Variants in ATXN8OS observed in about 807,000 individuals in gnomAD.
The protein encoded by ATXN8OS is ATXN8 opposite strand (non-protein coding).
At chr13:70,150,635 A>G (rs1343758439) in intron 4 of ATXN8OS, among the ~76,000 whole-genome samples, 2 of 152,070 alleles carry the variant, frequency 1.3e-5, no homozygotes, top group Non-Finnish European at 2.9e-5. Context: ...AATTTGATGT[A>G]AATACTCTAG....
chr13:70,148,567 G>A (rs1025238977), intron 4 of ATXN8OS, among the ~76,000 whole-genome samples: 5 of 151,996 alleles, frequency 3.3e-5, no homozygotes, highest in Admixed American at 6.6e-5. Context: ...TAAGATGGAA[G>A]GGGGTATAAT....
chr13:70,139,368 A>ACTGCTGCTGCTGCTGCTG (rs1566606455), intron 3 of ATXN8OS: 1 of 630,880 alleles, frequency 1.6e-6, no homozygotes, highest in Non-Finnish European at 2.6e-6. Flanking sequence ...TACTACTACT[A>ACTGCTGCTGCTGCTGCTG]CTACTACTAC....
intron 4 of ATXN8OS, among the ~76,000 whole-genome samples, chr13:70,151,534 CAA>C (rs1481852643): frequency 1.3e-5 from 2 of 151,668 alleles, no homozygotes; most frequent in Non-Finnish European, 2.9e-5. Flanking sequence ...ACAGCTTGAA[CAA>C]AAAGATAGGA....
At chr13:70,125,118 T>C (rs1888412445) in intron 2 of ATXN8OS, among the ~76,000 whole-genome samples, 1 of 152,124 alleles carries the variant, frequency 6.6e-6, no homozygotes, top group East Asian at 1.9e-4. Flanking sequence ...ATTTTTAGGG[T>C]ATACCTATCA....
chr13:70,153,079 G>A (rs950515835), intron 4 of ATXN8OS, among the ~76,000 whole-genome samples: 4 of 150,064 alleles, frequency 2.7e-5, no homozygotes, highest in Non-Finnish European at 5.9e-5. Flanking sequence ...GCATACGAAT[G>A]CATAACAGAG....
At chr13:70,140,547 C>T (rs1168719460) in intron 3 of ATXN8OS, among the ~76,000 whole-genome samples, 4 of 84,368 alleles carry the variant, frequency 4.7e-5, no homozygotes, top group Admixed American at 1.1e-4. Flanking sequence ...AAAAAAAAAA[C>T]GGAGAAGAAA....
At chr13:70,148,378 A>T (rs1006984423) in intron 4 of ATXN8OS, among the ~76,000 whole-genome samples, 3 of 152,120 alleles carry the variant, frequency 2.0e-5, no homozygotes, top group African/African-American at 7.2e-5. Flanking sequence ...TTATTAATAC[A>T]ACGAATCTCT....
At chr13:70,166,741 A>C (rs1290387579) in intron 4 of ATXN8OS, among the ~76,000 whole-genome samples, 5 of 152,140 alleles carry the variant, frequency 3.3e-5, no homozygotes, top group Admixed American at 3.3e-4. Flanking sequence ...CAACCTACAC[A>C]ATGGGAGAAA....
chr13:70,158,723 T>C (rs1317700984), intron 4 of ATXN8OS, among the ~76,000 whole-genome samples: 2 of 152,244 alleles, frequency 1.3e-5, no homozygotes, highest in African/African-American at 4.8e-5. Flanking sequence ...TGTGCTCTGA[T>C]ATAACATTAT....
At chr13:70,146,352 G>T (rs1280152672) in intron 3 of ATXN8OS, among the ~76,000 whole-genome samples, 2 of 150,700 alleles carry the variant, frequency 1.3e-5, no homozygotes, top group Non-Finnish European at 2.9e-5. Context: ...GGAAGTCAGT[G>T]TGGCGATTCT....
chr13:70,155,772 A>AT (rs34936703), intron 4 of ATXN8OS, among the ~76,000 whole-genome samples: 35,942 of 143,156 alleles, frequency 0.25, 4,779 homozygotes, highest in African/African-American at 0.34. Flanking sequence ...ACAATATTCC[A>AT]TTTTTTTTTT....
chr13:70,161,738 G>A (rs1323970608), intron 4 of ATXN8OS, among the ~76,000 whole-genome samples: 1 of 148,890 alleles, frequency 6.7e-6, no homozygotes, highest in Non-Finnish European at 1.5e-5. Context: ...ACATCTTGTA[G>A]TTATGGTATA....
At chr13:70,129,355 A>G (rs1476864057) in intron 2 of ATXN8OS, among the ~76,000 whole-genome samples, 1 of 148,264 alleles carries the variant, frequency 6.7e-6, no homozygotes, top group Non-Finnish European at 1.5e-5. Context: ...ATTAAAAATA[A>G]TATTAGTGCT....
chr13:70,161,563 C>T (rs1566619210), intron 4 of ATXN8OS, among the ~76,000 whole-genome samples: 2 of 152,138 alleles, frequency 1.3e-5, no homozygotes, highest in South Asian at 2.1e-4. Flanking sequence ...AAATACCCAA[C>T]CCACTAATTT....
chr13:70,121,877 G>A (rs370959619), intron 2 of ATXN8OS, among the ~76,000 whole-genome samples: 85 of 152,126 alleles, frequency 5.6e-4, no homozygotes, highest in African/African-American at 2.0e-3. Context: ...AATTAATCGG[G>A]TCAGGAAAGA....
intron 1 of ATXN8OS, among the ~76,000 whole-genome samples, chr13:70,111,066 T>C (rs1010653303): frequency 6.6e-6 from 1 of 152,212 alleles, no homozygotes; most frequent in Admixed American, 6.5e-5. Context: ...ATGGTTGCCA[T>C]AGTTTCCTGA....
chr13:70,154,913 C>A (rs1888917674), intron 4 of ATXN8OS, among the ~76,000 whole-genome samples: 1 of 152,202 alleles, frequency 6.6e-6, no homozygotes, highest in Non-Finnish European at 1.5e-5. Context: ...TAATGGACAT[C>A]TGGATTGCTT....
intron 3 of ATXN8OS, chr13:70,139,484 A>AT (rs1219693709): frequency 1.6e-6 from 1 of 634,186 alleles, no homozygotes; most frequent in African/African-American, 1.8e-5. Flanking sequence ...ATTGTTATAT[A>AT]TTTTTCCACA....
chr13:70,134,014 G>GA (rs1389385751), intron 3 of ATXN8OS, among the ~76,000 whole-genome samples: 6 of 152,104 alleles, frequency 3.9e-5, no homozygotes, highest in African/African-American at 9.7e-5. Flanking sequence ...AGTATTTCTA[G>GA]AAAAATATCG....
Sources: allele counts gnomAD v4.1 joint callset (sites outside exome capture counted in the v4.1 genomes callset), GRCh38; gene constraint gnomAD v4.1.1; transcripts MANE v1.5; gene names NCBI Gene and HGNC (gene_info 2026-07-23, HGNC 2026-07-21).